DOCK4: variants seen among roughly 807,000 people sequenced by gnomAD.
DOCK4 encodes the protein dedicator of cytokinesis protein 4.
DOCK4 carries 97 observed loss-of-function variants against 268.1 expected under a neutral mutation model. The observed-to-expected ratio is 0.36, with a 90% CI of 0.31 to 0.43. The LOEUF (loss-of-function observed/expected upper bound fraction) is 0.43, where lower values mean the gene tolerates loss of function less well. Ranked by LOEUF, DOCK4 falls within the 20% of genes least tolerant of loss-of-function variation. DOCK4 has a pLI of 1.00. For missense variants in DOCK4, 2,145 were observed against 2,455.7 expected (o/e 0.87, Z 2.67); for synonymous variants, 954 against 887.2 (o/e 1.08, Z -1.34).
rs564609539 is a variant in DOCK4, at chr7:112,087,201, T to C, written c.38-83070A>G. Among the ~76,000 whole-genome samples, 17 of 152,226 alleles carry C rather than the reference T, an allele frequency of 1.1e-4. 1 individual carries two copies. In the South Asian group the frequency reaches 3.5e-3, roughly 32 times the overall value. ...ACACCTGTAGTTCTTGATTAATTAA[T>C]TCAATCAGGACAGACTTATGTATTA... On this transcript the variant is annotated intron_variant, in intron 1 of 52. Transcript: ENST00000428084.
At chr7:111,962,903 T>C (rs1464457584) in intron 8 of DOCK4, among the ~76,000 whole-genome samples, 1 of 152,192 alleles carries the variant, frequency 6.6e-6, no homozygotes, top group African/African-American at 2.4e-5. Flanking sequence ...TAACACTTTT[T>C]CCAGAAGTAC....
chr7:111,921,908 T>G lies in DOCK4; in HGVS notation c.1067-6004A>C, dbSNP rs182776710. Among the ~76,000 whole-genome samples, 71 of 152,320 alleles carry G rather than the reference T, an allele frequency of 4.7e-4. 1 individual carries two copies. Among genetic ancestry groups the G allele is most frequent in the African/African-American group, 1.6e-3 (68 of 41,558 alleles). ...GAAATAAAATATTTCTTTTAATAGT[T>G]GTGCCCACTTACCACCAGATAAATC... On this transcript the variant is annotated intron_variant, in intron 12 of 52. Transcript: ENST00000428084.
chr7:111,996,315 C>T (rs765464330), intron 4 of DOCK4, among the ~76,000 whole-genome samples: 26 of 152,272 alleles, frequency 1.7e-4, no homozygotes, highest in Middle Eastern at 6.8e-3. Flanking sequence ...CCATTTTAGG[C>T]AAGGTGACTG....
At position 111,935,534 on chromosome 7, in the gene DOCK4, A is replaced by C. The variant is rs760012371; in HGVS notation, c.1066+6T>G. The C allele has an allele frequency of 6.2e-7, 1 of 1,612,122 alleles. No homozygotes were observed. Among genetic ancestry groups the C allele is most frequent in the Non-Finnish European group, 8.5e-7 (1 of 1,179,082 alleles). ...GTAGGGAAAGTCAGCCAGCCCATACACTCACCTGCATTGGAGCCAGTCAAG... is the reference window on the plus strand; with the variant it reads ...GTAGGGAAAGTCAGCCAGCCCATACCCTCACCTGCATTGGAGCCAGTCAAG... On this transcript the variant is annotated splice_donor_region_variant and intron_variant, in intron 12 of 52. Coordinates refer to ENST00000428084, the MANE Select transcript of DOCK4 (RefSeq NM_001363540.2).
intron 1 of DOCK4, among the ~76,000 whole-genome samples, chr7:112,168,997 C>T (rs1176303935): frequency 6.6e-6 from 1 of 152,122 alleles, no homozygotes; most frequent in Non-Finnish European, 1.5e-5. Context: ...ATGTCCCTGC[C>T]CAAATCTCAT....
chr7:111,765,054 A>G lies in DOCK4; in HGVS notation c.4020+64T>C, dbSNP rs3213631. 7,262 of 732,390 alleles carry G rather than the reference A, an allele frequency of 9.9e-3. 330 individuals are homozygous for G. The African/African-American group carries it at 0.11, about 11-fold the overall frequency. The allele number at this position is 732,390 out of a possible 1,614,324, so 45.4% of individuals were successfully genotyped here. A position where few individuals can be genotyped will look rare whatever the true frequency, so the allele number is the denominator to read the frequency against. On this transcript the variant is annotated intron_variant, in intron 39 of 52. Transcript: ENST00000428084. The stretch of plus-strand genomic sequence containing the variant: ...TCATATAAAATGTCATTAACATCTT[A>G]GTTTTCTTGATTGGGATATCTATAT...
At chr7:111,871,885 C>A in intron 20 of DOCK4, 105 bp downstream of exon 20, 4 of 831,004 alleles carry the variant, frequency 4.8e-6, no homozygotes, top group Non-Finnish European at 3.7e-6. Flanking sequence ...AGTAGTGCTC[C>A]ATTTCTTCCT....
intron 1 of DOCK4, among the ~76,000 whole-genome samples, chr7:112,072,193 C>G (rs1022969503): frequency 6.6e-6 from 1 of 151,272 alleles, no homozygotes; most frequent in Admixed American, 6.6e-5. Context: ...CTACAAAGAG[C>G]TCACAGATTT....
chr7:111,816,463 G>A (rs1801564236), intron 27 of DOCK4, among the ~76,000 whole-genome samples: 2 of 152,210 alleles, frequency 1.3e-5, no homozygotes, highest in Admixed American at 6.5e-5. Context: ...ACTTCAGCAT[G>A]CATGAGAATC....
rs1795719465 is a variant in DOCK4 at position 111,739,200 on chromosome 7, G to C, written c.5166C>G (p.Asn1722Lys). Reference protein sequence around the residue: ...LSDKHKHSRENSCLSPRERPC... With the variant: ...LSDKHKHSREKSCLSPRERPC... Reference sequence around the variant, plus strand: ...GTCTCTCTCTTGGTGACAGGCAAGAGTTTTCTCGGGAATGTTTGTGTTTGT... The same window carrying C: ...GTCTCTCTCTTGGTGACAGGCAAGACTTTTCTCGGGAATGTTTGTGTTTGT... The change falls in exon 49 of 53, where the codon AAC becomes AAG. Residue 1722 changes from asparagine (N) to lysine (K), a missense_variant. Asn to Lys is a moderately conservative substitution (Grantham distance 94, BLOSUM62 0). This residue lies in a region of DOCK4 where 547 missense variants were observed against 469.0 expected (regional missense o/e 1.17). Coordinates refer to ENST00000428084, the MANE Select transcript of DOCK4 (RefSeq NM_001363540.2). 6 of 1,613,946 alleles carry C rather than the reference G, an allele frequency of 3.7e-6. No individual in the cohort carries two copies. The highest frequency in any genetic ancestry group is 1.1e-5 in the South Asian group (1 of 91,092).
intron 42 of DOCK4, among the ~76,000 whole-genome samples, chr7:111,751,648 T>C (rs1796662436): frequency 6.6e-6 from 1 of 152,228 alleles, no homozygotes; most frequent in Admixed American, 6.5e-5. Flanking sequence ...TTTTGCCATA[T>C]TGGCCAGGCT....
At chr7:111,853,902 T>C (rs1804787442) in intron 23 of DOCK4, among the ~76,000 whole-genome samples, 1 of 152,116 alleles carries the variant, frequency 6.6e-6, no homozygotes, top group Non-Finnish European at 1.5e-5. Flanking sequence ...ATACACATCA[T>C]TTATTCAGTA....
At chr7:111,734,951 A>C in intron 51 of DOCK4, 103 bp downstream of exon 51, 1 of 915,520 alleles carries the variant, frequency 1.1e-6, no homozygotes, top group Non-Finnish European at 1.7e-6. Flanking sequence ...TTTTTATCCC[A>C]GAAATCAAAC....
intron 12 of DOCK4, among the ~76,000 whole-genome samples, chr7:111,931,442 T>C (rs576412419): frequency 6.6e-6 from 1 of 152,226 alleles, no homozygotes; most frequent in East Asian, 1.9e-4. Flanking sequence ...GCTAGTAAAA[T>C]TGACAAAGCA....
intron 27 of DOCK4, chr7:111,819,756 G>C (rs1801837479): frequency 6.6e-6 from 1 of 152,246 alleles, no homozygotes; most frequent in Non-Finnish European, 1.5e-5. Flanking sequence ...TAGAGCAATG[G>C]TGACTTCTCA....
chr7:112,097,692 A>G (rs1295849693), intron 1 of DOCK4, among the ~76,000 whole-genome samples: 2 of 152,216 alleles, frequency 1.3e-5, no homozygotes, highest in Non-Finnish European at 2.9e-5. Flanking sequence ...ATTGTTTGTA[A>G]TGACCACACA....
At chr7:112,165,309 C>T (rs1336230386) in intron 1 of DOCK4, among the ~76,000 whole-genome samples, 3 of 151,790 alleles carry the variant, frequency 2.0e-5, no homozygotes, top group Non-Finnish European at 4.4e-5. Flanking sequence ...GCATCCTCCC[C>T]TCTCCCTTCC....
chr7:111,973,586 T>A (rs576617401), intron 8 of DOCK4, among the ~76,000 whole-genome samples: 2 of 152,152 alleles, frequency 1.3e-5, no homozygotes, highest in Non-Finnish European at 2.9e-5. Flanking sequence ...TGTTTATGAG[T>A]CAATGGGGGA....
At chr7:111,834,823 C>G in intron 25 of DOCK4, 137 bp from the exon 26 acceptor site, 1 of 532,470 alleles carries the variant, frequency 1.9e-6, no homozygotes, top group Non-Finnish European at 3.1e-6. Flanking sequence ...CCTGTGAAGT[C>G]TTCTTAATAT....
Sources: gnomAD v4.1 joint callset for allele counts (sites outside exome capture counted in the v4.1 genomes callset) on GRCh38, gnomAD v4.1.1 for gene constraint, gnomAD v4.1.1 regional missense constraint, MANE v1.5 for transcripts, NCBI Gene and HGNC (gene_info 2026-07-23, HGNC 2026-07-21) for gene names.